The following HIGD1A variants were observed in gnomAD, a reference collection of about 807,000 sequenced individuals.
HIGD1A encodes HIG1 domain family member 1A, mitochondrial.
In HIGD1A, 8 loss-of-function variants were observed where a neutral mutation model predicts 11.3. The ratio of observed to expected loss-of-function variants is 0.71; its 90% confidence interval spans 0.42 to 1.28. The LOEUF (loss-of-function observed/expected upper bound fraction) is 1.28. HIGD1A is among the 50% of genes most tolerant of loss of function. The probability of loss-of-function intolerance (pLI) is 0.01; values close to 1 mark genes in which losing one functional copy is unlikely to be tolerated. For synonymous variants in HIGD1A, 32 were observed against 38.4 expected, an observed-to-expected ratio of 0.83 and a Z score of 0.62; for missense variants, 107 against 118.8, an observed-to-expected ratio of 0.90 and a Z score of 0.46.
intron 1 of HIGD1A, among the ~76,000 whole-genome samples, chr3:42,796,141 G>A (rs1040972542): frequency 7.2e-5 from 11 of 152,304 alleles, no homozygotes; most frequent in South Asian, 6.2e-4. Flanking sequence ...ATGCAACTCC[G>A]GAGGGGGTGG....
chr3:42,792,444 C>T (rs1057442275), intron 2 of HIGD1A, among the ~76,000 whole-genome samples: 11 of 151,904 alleles, frequency 7.2e-5, no homozygotes, highest in African/African-American at 1.5e-4. Flanking sequence ...GAGGCCGAGG[C>T]GGGCGGATCA....
chr3:42,802,591 C>G (rs1420213979), intron 1 of HIGD1A, among the ~76,000 whole-genome samples: 2 of 152,148 alleles, frequency 1.3e-5, no homozygotes, highest in African/African-American at 2.4e-5. Flanking sequence ...CCAAAGTATT[C>G]ATGGTTTATA....
rs142368078 is a variant in HIGD1A, at chr3:42,794,045, T to C, written c.97+112A>G. The C allele has an allele frequency of 1.2e-3, 1,207 of 1,019,392 alleles. 15 individuals carry two copies. In the African/African-American group the frequency reaches 0.018, roughly 15 times the overall value. The allele number at this position is 1,019,392 out of a possible 1,614,324, so 63.1% of individuals were successfully genotyped here. A position where few individuals can be genotyped will look rare whatever the true frequency, so the allele number is the denominator to read the frequency against. On this transcript the variant is annotated intron_variant, in intron 2 of 3. Coordinates refer to ENST00000321331, the MANE Select transcript of HIGD1A (RefSeq NM_014056.4). ...GATTTATATCATGCCAATCTCAGCA[T>C]ATTTCAACATAAGAAAAAAATGGAA...
Position 42,793,833 on chromosome 3 carries a change from G to A in HIGD1A, c.97+324C>T, listed in dbSNP as rs145897574. Among the ~76,000 whole-genome samples, 321 of 152,260 alleles carry A rather than the reference G, an allele frequency of 2.1e-3. 1 individual carries two copies. The highest frequency in any genetic ancestry group is 7.3e-3 in the African/African-American group (303 of 41,550). On this transcript the variant is annotated intron_variant, in intron 2 of 3. Coordinates refer to ENST00000321331, the MANE Select transcript of HIGD1A (RefSeq NM_014056.4). ...ACAAAACTACAAAAATTCGCTGGGC[G>A]TGGTGGTGCACACCTGTGGTCCCAG...
intron 1 of HIGD1A, among the ~76,000 whole-genome samples, chr3:42,803,401 T>C (rs987438051): frequency 1.3e-5 from 2 of 152,170 alleles, no homozygotes; most frequent in African/African-American, 2.4e-5. Context: ...TCAGCTTGTT[T>C]AAAATGGCTG....
chr3:42,791,657 C>A (rs1700423290), intron 2 of HIGD1A, among the ~76,000 whole-genome samples: 1 of 152,086 alleles, frequency 6.6e-6, no homozygotes, highest in African/African-American at 2.4e-5. Flanking sequence ...ACTCCTATGT[C>A]GTCAATACAG....
At chr3:42,790,903 C>T (rs966469229) in intron 2 of HIGD1A, among the ~76,000 whole-genome samples, 2 of 152,162 alleles carry the variant, frequency 1.3e-5, no homozygotes, top group Non-Finnish European at 2.9e-5. Flanking sequence ...CCCTGAACTC[C>T]TGGGCTCAAG....
At chr3:42,796,006 C>T (rs921830206) in intron 1 of HIGD1A, among the ~76,000 whole-genome samples, 1 of 152,194 alleles carries the variant, frequency 6.6e-6, no homozygotes, top group African/African-American at 2.4e-5. Flanking sequence ...TCCTAACACC[C>T]ATATAAAATC....
At chr3:42,793,664 G>A (rs767868528) in intron 2 of HIGD1A, among the ~76,000 whole-genome samples, 4 of 152,226 alleles carry the variant, frequency 2.6e-5, no homozygotes, top group South Asian at 2.1e-4. Flanking sequence ...ATTATGCACT[G>A]AAATAAGACT....
At chr3:42,802,161 T>G (rs1374266970) in intron 1 of HIGD1A, among the ~76,000 whole-genome samples, 7 of 139,610 alleles carry the variant, frequency 5.0e-5, no homozygotes, top group Non-Finnish European at 8.0e-5. Flanking sequence ...GAGCAAAAGG[T>G]TTTTTTTTTT....
In HIGD1A at chr3:42,783,530, G is replaced by T. The variant is rs1468563004; in HGVS notation, c.*1741C>A. ...CTCGGAAGGTTGAAGCATCAGAATC[G>T]CACGAAGCTAGGAGGTGGAGGGTGC... On this transcript the variant is annotated 3_prime_UTR_variant, in exon 4 of 4. Coordinates refer to ENST00000321331, the MANE Select transcript of HIGD1A (RefSeq NM_014056.4). Among the ~76,000 whole-genome samples, 1 of 151,884 alleles carries T rather than the reference G, an allele frequency of 6.6e-6. No homozygotes were observed. The highest frequency in any genetic ancestry group is 1.5e-5 in the Non-Finnish European group (1 of 67,982).
rs1424558132 is a variant in HIGD1A, at chr3:42,786,168, A to T, written c.98-6T>A. On this transcript the variant is annotated splice_region_variant and splice_polypyrimidine_tract_variant and intron_variant, in intron 2 of 3. Coordinates refer to ENST00000321331, the MANE Select transcript of HIGD1A (RefSeq NM_014056.4). ...TGCTGCAAAACCCGCTATTCCTGTA[A>T]AACAAAGTAACAAGTATGTCAGATG... 6.2e-7 allele frequency: 1 copy of T among 1,614,048 alleles called. No individual in the cohort carries two copies. The highest frequency in any genetic ancestry group is 2.2e-5 in the East Asian group (1 of 44,874).
rs77041887 is a variant in HIGD1A, at chr3:42,791,297, T to C, written c.97+2860A>G. ...ATGATAAATGCACAACATAAGGAAA[T>C]ACAGGAACCTAAGTAATCCCAGGAT... is the stretch of plus-strand genomic sequence containing the variant. On this transcript the variant is annotated intron_variant, in intron 2 of 3. Coordinates refer to ENST00000321331, the MANE Select transcript of HIGD1A (RefSeq NM_014056.4). Among the ~76,000 whole-genome samples the C allele has an allele frequency of 8.4e-3, 1,272 of 152,206 alleles. 22 individuals are homozygous for C. The highest frequency in any genetic ancestry group is 0.03 in the African/African-American group (1,231 of 41,534).
rs1279084061 is a variant in HIGD1A at position 42,785,314 on chromosome 3, C to G, written c.239G>C (p.Gly80Ala). The G allele has an allele frequency of 3.7e-6, 6 of 1,608,698 alleles. No individual in the cohort carries two copies. The African/African-American group carries it at 6.7e-5, about 18-fold the overall frequency. The change falls in exon 4 of 4, where the codon GGC becomes GCC. Residue 80 changes from glycine (G) to alanine (A), a missense_variant. Coordinates refer to ENST00000321331, the MANE Select transcript of HIGD1A (RefSeq NM_014056.4). ...CCAGAATTCCCGATACATGGAATAG[C>G]CCATACCTAAAGAAAAAGAATGCTA... ...FVVGAMTVGM[G>A]YSMYREFWAK...
At chr3:42,789,533 A>T (rs1384822729) in intron 2 of HIGD1A, among the ~76,000 whole-genome samples, 1 of 145,710 alleles carries the variant, frequency 6.9e-6, no homozygotes, top group Admixed American at 7.2e-5. Flanking sequence ...AAAATAAATT[A>T]AAAAAAAGAA....
chr3:42,800,849 C>G (rs1468831001), intron 1 of HIGD1A, among the ~76,000 whole-genome samples: 1 of 151,776 alleles, frequency 6.6e-6, no homozygotes, highest in African/African-American at 2.4e-5. Flanking sequence ...AAAAAAGTAT[C>G]TCCGTTTATT....
In HIGD1A at chr3:42,786,109, T is replaced by C; in HGVS notation, c.151A>G (p.Arg51Gly). 2 of 1,614,036 alleles carry C rather than the reference T, an allele frequency of 1.2e-6. No individual in the cohort carries two copies. The highest frequency in any genetic ancestry group is 1.7e-6 in the Non-Finnish European group (2 of 1,179,972). ...VAYGLYKLKS[R>G]GNTKMSIHLI... ...TGAATGGACATTTTAGTATTTCCCC[T>C]GCTCTTCAGTTTATATAATCCATAT... The change falls in exon 3 of 4, where the codon AGG becomes GGG. Residue 51 changes from arginine (R) to glycine (G), a missense_variant. Coordinates refer to ENST00000321331, the MANE Select transcript of HIGD1A (RefSeq NM_014056.4).
chr3:42,785,902 C>A (rs1700343396), intron 3 of HIGD1A, 126 bp downstream of exon 3: 14 of 818,050 alleles, frequency 1.7e-5, no homozygotes, highest in Non-Finnish European at 2.2e-5. Flanking sequence ...TCATTTTTTA[C>A]ATGAAAATGA....
intron 1 of HIGD1A, among the ~76,000 whole-genome samples, chr3:42,795,320 G>A (rs1217227121): frequency 1.3e-5 from 2 of 151,606 alleles, no homozygotes; most frequent in African/African-American, 4.9e-5. Context: ...CCAGGTTCAA[G>A]TGATTCTCCT....
Sources: gnomAD v4.1 joint callset for allele counts (sites outside exome capture counted in the v4.1 genomes callset) on GRCh38, gnomAD v4.1.1 for gene constraint, MANE v1.5 for transcripts, NCBI Gene and HGNC (gene_info 2026-07-23, HGNC 2026-07-21) for gene names.